TNFSF11: variants seen among roughly 807,000 people sequenced by gnomAD.
TNFSF11 encodes TNF superfamily member 11, also known as tumor necrosis factor ligand superfamily member 11.
TNFSF11 carries 12 observed loss-of-function variants against 32.2 expected under a neutral mutation model. The observed-to-expected ratio is 0.37, with a 90% confidence interval of 0.24 to 0.60. The LOEUF is 0.60. Among genes scored for constraint, TNFSF11 ranks in the 20% least tolerant of loss-of-function variants. TNFSF11 has a pLI of 0.66. For missense variants in TNFSF11, 345 were observed against 398.0 expected, an observed-to-expected ratio of 0.87 and a Z score of 1.13; for synonymous variants, 172 against 152.1, an observed-to-expected ratio of 1.13 and a Z score of -0.96.
rs755512420 is a variant in TNFSF11 at position 42,606,691 on chromosome 13, A to G, written c.727A>G (p.Thr243Ala). ...GTATCTTCAACTAATGGTGTACGTC[A>G]CTAAAACCAGCATCAAAATCCCAAG... ...TEYLQLMVYV[T>A]KTSIKIPSSH... Residue 243 changes from threonine (T) to alanine (A), a missense_variant, in exon 5 of 5, where the codon ACT becomes GCT. Physicochemically the swap from Thr to Ala is moderately conservative, Grantham distance 58. Transcript: ENST00000398795. 6.2e-7 allele frequency: 1 copy of G among 1,614,270 alleles called. No homozygotes were observed. The highest frequency in any genetic ancestry group is 1.1e-5 in the South Asian group (1 of 91,092).
chr13:42,573,265 T>A (rs1389784920), upstream of TNFSF11, among the ~76,000 whole-genome samples: 3 of 152,002 alleles, frequency 2.0e-5, no homozygotes, highest in African/African-American at 7.3e-5. Context: ...AGTGGAAACA[T>A]CCTAAGTTTC....
intron 2 of TNFSF11, among the ~76,000 whole-genome samples, chr13:42,592,570 TGA>T (rs1311628786): frequency 6.6e-6 from 1 of 152,204 alleles, no homozygotes; most frequent in Non-Finnish European, 1.5e-5. Flanking sequence ...AGCCCACTGT[TGA>T]GAGTTTTTAT....
chr13:42,588,742 G>A (rs1874021110), intron 2 of TNFSF11, among the ~76,000 whole-genome samples: 1 of 152,180 alleles, frequency 6.6e-6, no homozygotes, highest in African/African-American at 2.4e-5. Flanking sequence ...TTCAGGGGTG[G>A]ACTCTGTGAT....
At chr13:42,576,954 T>TAGCTAAGAGAATAGTCTC (rs1873347888) in intron 1 of TNFSF11, among the ~76,000 whole-genome samples, 1 of 152,252 alleles carries the variant, frequency 6.6e-6, no homozygotes, top group Non-Finnish European at 1.5e-5. Context: ...TTCAAAGTCT[T>TAGCTAAGAGAATAGTCTC]AGCTAAGAGA....
chr13:42,583,587 A>G (rs920010478), intron 2 of TNFSF11, among the ~76,000 whole-genome samples: 4 of 151,998 alleles, frequency 2.6e-5, no homozygotes, highest in Non-Finnish European at 4.4e-5. Context: ...ACTATTTCTG[A>G]TGTTTAAAAT....
chr13:42,583,631 G>A (rs1873743844), intron 2 of TNFSF11, among the ~76,000 whole-genome samples: 1 of 151,822 alleles, frequency 6.6e-6, no homozygotes, highest in African/African-American at 2.4e-5. Context: ...GATTCTTGAT[G>A]TTATTACGAA....
At chr13:42,596,512 A>G (rs1210811793) in intron 2 of TNFSF11, among the ~76,000 whole-genome samples, 2 of 152,142 alleles carry the variant, frequency 1.3e-5, no homozygotes, top group Non-Finnish European at 2.9e-5. Context: ...GTAAAAGGAT[A>G]TGGGCATACA....
Position 42,564,466 on chromosome 13 carries a change from C to T in TNFSF11, c.-302+1503C>T, listed in dbSNP as rs980291517. On this transcript the variant is annotated intron_variant, in intron 1 of 6. Transcript: ENST00000358545. ...ACTGCAATCCCACCTACTTGGTAGG[C>T]TGAGGCAGGAGAATTGCTTGAATCC... Among the ~76,000 whole-genome samples the T allele has an allele frequency of 2.6e-5, 4 of 151,986 alleles. No individual in the cohort carries two copies. The South Asian group carries it at 8.3e-4, about 32-fold the overall frequency.
At chr13:42,569,807 G>C (rs1872997619), upstream of TNFSF11, among the ~76,000 whole-genome samples, 1 of 152,082 alleles carries the variant, frequency 6.6e-6, no homozygotes, top group Admixed American at 6.5e-5. Context: ...TTTTCTAAAG[G>C]CTGCATCATG....
chr13:42,596,453 A>G (rs1291574805), intron 2 of TNFSF11, among the ~76,000 whole-genome samples: 1 of 152,160 alleles, frequency 6.6e-6, no homozygotes, highest in East Asian at 1.9e-4. Flanking sequence ...TGGGTGGGCT[A>G]GTGGTATTTT....
upstream of TNFSF11, among the ~76,000 whole-genome samples, chr13:42,569,277 G>C (rs1356778317): frequency 2.6e-5 from 4 of 152,206 alleles, no homozygotes; most frequent in Admixed American, 2.0e-4. Context: ...AGCTGGGCAC[G>C]GTGGCTCACG....
chr13:42,585,907 G>A (rs1289569486), intron 2 of TNFSF11, among the ~76,000 whole-genome samples: 2 of 152,224 alleles, frequency 1.3e-5, no homozygotes, highest in Admixed American at 1.3e-4. Flanking sequence ...AAAGAATAAT[G>A]TGCAGGAGAA....
At chr13:42,592,099 C>T (rs1314028749) in intron 2 of TNFSF11, among the ~76,000 whole-genome samples, 1 of 152,146 alleles carries the variant, frequency 6.6e-6, no homozygotes, top group African/African-American at 2.4e-5. Context: ...TGTCTGACAC[C>T]AAATATGTGG....
chr13:42,578,254 T>G (rs1873417145), intron 1 of TNFSF11, among the ~76,000 whole-genome samples: 1 of 152,208 alleles, frequency 6.6e-6, no homozygotes, highest in Non-Finnish European at 1.5e-5. Flanking sequence ...GTAGGTAGGT[T>G]GTTGGGTAGG....
chr13:42,584,702 AG>A, intron 2 of TNFSF11, among the ~76,000 whole-genome samples: 1 of 152,354 alleles, frequency 6.6e-6, no homozygotes, highest in Middle Eastern at 3.4e-3. Flanking sequence ...ATTGGTGGTC[AG>A]GCAAGAATAA....
intron 1 of TNFSF11, among the ~76,000 whole-genome samples, chr13:42,577,011 C>T (rs934328223): frequency 5.3e-5 from 8 of 152,156 alleles, no homozygotes; most frequent in Non-Finnish European, 7.3e-5. Flanking sequence ...TCACTTATAT[C>T]GGCTCTTTTG....
upstream of TNFSF11, among the ~76,000 whole-genome samples, chr13:42,569,586 A>AAG (rs373285702): frequency 6.6e-6 from 1 of 151,412 alleles, no homozygotes; most frequent in African/African-American, 2.4e-5. Flanking sequence ...AGAAAAGAGA[A>AAG]AGAGAGAGAG....
At chr13:42,566,174 G>T (rs1872861904) in intron 1 of TNFSF11, among the ~76,000 whole-genome samples, 1 of 152,206 alleles carries the variant, frequency 6.6e-6, no homozygotes, top group Admixed American at 6.5e-5. Context: ...ATAATCACTT[G>T]GCCAGGTAAT....
At chr13:42,593,472 C>T (rs1014522388) in intron 2 of TNFSF11, among the ~76,000 whole-genome samples, 6 of 152,066 alleles carry the variant, frequency 3.9e-5, no homozygotes, top group Non-Finnish European at 5.9e-5. Flanking sequence ...TATGCTAGTC[C>T]TAATGAGAAA....
Sources: gnomAD v4.1 joint callset for allele counts (sites outside exome capture counted in the v4.1 genomes callset) on GRCh38, gnomAD v4.1.1 for gene constraint, MANE v1.5 for transcripts, NCBI Gene and HGNC (gene_info 2026-07-23, HGNC 2026-07-21) for gene names.